The following SGK3 variants were observed in gnomAD, a reference collection of about 807,000 sequenced individuals.
SGK3 encodes the protein serine/threonine-protein kinase Sgk3.
In SGK3, 47 loss-of-function variants were observed where a neutral mutation model predicts 68.5. That is an observed-to-expected ratio of 0.69 (90% CI 0.54 to 0.87). The LOEUF is 0.87. SGK3 is among the 40% of genes least tolerant of loss of function. The pLI is 0.00. For synonymous variants in SGK3, 181 were observed against 189.1 expected (o/e 0.96, Z 0.35); for missense variants, 479 against 575.5 (o/e 0.83, Z 1.72).
intron 14 of SGK3, among the ~76,000 whole-genome samples, chr8:66,844,826 C>G (rs994331597): frequency 6.6e-6 from 1 of 152,214 alleles, no homozygotes; most frequent in East Asian, 1.9e-4. Context: ...ATGATAGATT[C>G]CTGTGAAAGC....
chr8:66,770,594 T>G (rs2130488164), intron 1 of SGK3, among the ~76,000 whole-genome samples: 1 of 152,342 alleles, frequency 6.6e-6, no homozygotes, highest in Non-Finnish European at 1.5e-5. Flanking sequence ...CTACCTGCAT[T>G]GAGTTGGGAA....
chr8:66,805,985 C>T (rs1042743540), intron 4 of SGK3, among the ~76,000 whole-genome samples: 2 of 152,176 alleles, frequency 1.3e-5, no homozygotes, highest in African/African-American at 4.8e-5. Context: ...TAATTCTGCC[C>T]ACCATTAACG....
chr8:66,845,949 GA>G (rs1176179878), intron 14 of SGK3, among the ~76,000 whole-genome samples: 1 of 151,644 alleles, frequency 6.6e-6, no homozygotes, highest in Non-Finnish European at 1.5e-5. Context: ...AGACTGAAAA[GA>G]AAAAAATGTC....
intron 2 of SGK3, among the ~76,000 whole-genome samples, chr8:66,797,671 T>C (rs1282758044): frequency 6.6e-6 from 1 of 152,218 alleles, no homozygotes; most frequent in Non-Finnish European, 1.5e-5. Flanking sequence ...TGAAAACTAC[T>C]ATGTGAAAGA....
chr8:66,788,415 G>A (rs1455347001), intron 1 of SGK3, among the ~76,000 whole-genome samples: 1 of 152,200 alleles, frequency 6.6e-6, no homozygotes, highest in Non-Finnish European at 1.5e-5. Flanking sequence ...GTGATTGCTG[G>A]CAAACCCTAA....
intron 5 of SGK3, among the ~76,000 whole-genome samples, chr8:66,816,224 C>A (rs1333945274): frequency 2.0e-5 from 3 of 151,388 alleles, no homozygotes; most frequent in Non-Finnish European, 4.4e-5. Flanking sequence ...GGATGGTCTT[C>A]ATCTACTGAC....
chr8:66,744,397 T>C (rs543924890), intron 1 of SGK3, among the ~76,000 whole-genome samples: 32 of 148,844 alleles, frequency 2.1e-4, no homozygotes, highest in African/African-American at 7.1e-4. Flanking sequence ...AATGGACCTT[T>C]TAAATCTGGA....
chr8:66,783,608 C>A (rs1807080162), intron 1 of SGK3, among the ~76,000 whole-genome samples: 1 of 152,216 alleles, frequency 6.6e-6, no homozygotes, highest in South Asian at 2.1e-4. Flanking sequence ...ACCTTCACCT[C>A]CTGGGCTCAA....
At chr8:66,833,746 C>T (rs1032462820) in intron 8 of SGK3, among the ~76,000 whole-genome samples, 11 of 152,316 alleles carry the variant, frequency 7.2e-5, no homozygotes, top group Admixed American at 2.0e-4. Flanking sequence ...GGCTGGAGTG[C>T]GGTGGCGCAA....
At chr8:66,743,654 T>C (rs1219310550) in intron 1 of SGK3, among the ~76,000 whole-genome samples, 1 of 152,264 alleles carries the variant, frequency 6.6e-6, no homozygotes, top group Non-Finnish European at 1.5e-5. Flanking sequence ...GCTGAGTAGC[T>C]GGGATTACAG....
chr8:66,831,941 A>T (rs544667710), intron 8 of SGK3, among the ~76,000 whole-genome samples: 1 of 144,766 alleles, frequency 6.9e-6, no homozygotes, highest in South Asian at 2.3e-4. Flanking sequence ...CGGTGGGGGG[A>T]TAGTCAATTT....
intron 1 of SGK3, among the ~76,000 whole-genome samples, chr8:66,743,749 G>A (rs572342341): frequency 9.2e-5 from 14 of 152,330 alleles, no homozygotes; most frequent in East Asian, 3.9e-4. Context: ...CTCGAACTCC[G>A]GATCTCACTC....
chr8:66,786,173 G>A (rs767635765), intron 1 of SGK3, among the ~76,000 whole-genome samples: 42 of 151,810 alleles, frequency 2.8e-4, no homozygotes, highest in Non-Finnish European at 5.0e-4. Flanking sequence ...TAGCAGGGTT[G>A]CTTTTTCATT....
chr8:66,728,546 C>T (rs779083641), intron 1 of SGK3, among the ~76,000 whole-genome samples: 2 of 151,990 alleles, frequency 1.3e-5, no homozygotes, highest in South Asian at 2.1e-4. Flanking sequence ...AGGTTGGTCT[C>T]GAACTCCTGA....
At chr8:66,761,868 C>T (rs1211856225) in intron 1 of SGK3, among the ~76,000 whole-genome samples, 1 of 152,080 alleles carries the variant, frequency 6.6e-6, no homozygotes, top group Admixed American at 6.5e-5. Context: ...TATAATTAGC[C>T]TTCATAAGCC....
chr8:66,743,659 T>C (rs1805545182), intron 1 of SGK3, among the ~76,000 whole-genome samples: 1 of 152,242 alleles, frequency 6.6e-6, no homozygotes, highest in African/African-American at 2.4e-5. Flanking sequence ...GTAGCTGGGA[T>C]TACAGGCAAG....
At chr8:66,727,284 A>G (rs1805013496) in intron 1 of SGK3, among the ~76,000 whole-genome samples, 1 of 152,078 alleles carries the variant, frequency 6.6e-6, no homozygotes, top group Non-Finnish European at 1.5e-5. Context: ...TTTTGTAGAC[A>G]CAGGGTTTTG....
chr8:66,816,535 G>A (rs1039657359), intron 5 of SGK3, among the ~76,000 whole-genome samples: 3 of 151,706 alleles, frequency 2.0e-5, no homozygotes, highest in East Asian at 2.0e-4. Context: ...TAGTAGAGAC[G>A]GGATTTCACC....
At chr8:66,714,958 A>G (rs1052960300) in intron 1 of SGK3, among the ~76,000 whole-genome samples, 5 of 152,204 alleles carry the variant, frequency 3.3e-5, no homozygotes, top group Non-Finnish European at 5.9e-5. Context: ...AAATGGCTTC[A>G]GATATCTTGC....
Sources: gnomAD v4.1 joint callset for allele counts (sites outside exome capture counted in the v4.1 genomes callset) on GRCh38, gnomAD v4.1.1 for gene constraint, MANE v1.5 for transcripts, NCBI Gene and HGNC (gene_info 2026-07-23, HGNC 2026-07-21) for gene names.